The following CCDC178 variants were observed in gnomAD, a reference collection of about 807,000 sequenced individuals.
CCDC178 encodes coiled-coil domain-containing protein 178.
Under a neutral mutation model 117.4 loss-of-function variants are expected in CCDC178, and 126 were observed. The observed-to-expected ratio is 1.07, with a 90% CI of 0.93 to 1.24. CCDC178 has a LOEUF of 1.24. CCDC178 is among the 50% of genes most tolerant of loss of function. The probability of loss-of-function intolerance (pLI) is 0.00; values close to 1 mark genes in which losing one functional copy is unlikely to be tolerated. For synonymous variants in CCDC178, 283 were observed against 313.4 expected, an observed-to-expected ratio of 0.90 and a Z score of 1.02; for missense variants, 1,030 against 986.9, an observed-to-expected ratio of 1.04 and a Z score of -0.59.
intron 22 of CCDC178, among the ~76,000 whole-genome samples, chr18:32,966,516 T>A (rs1484453810): frequency 1.3e-5 from 2 of 151,936 alleles, no homozygotes; most frequent in Non-Finnish European, 2.9e-5. Flanking sequence ...ATTCTTGCAT[T>A]AATGTTGTGC....
At chr18:33,308,894 G>A (rs775392084) in intron 11 of CCDC178, among the ~76,000 whole-genome samples, 8 of 152,136 alleles carry the variant, frequency 5.3e-5, no homozygotes, top group Non-Finnish European at 8.8e-5. Context: ...CACAAGCCTT[G>A]CAGAACTGTG....
chr18:33,083,090 G>T (rs2057323128), intron 21 of CCDC178, among the ~76,000 whole-genome samples: 1 of 152,074 alleles, frequency 6.6e-6, no homozygotes, highest in African/African-American at 2.4e-5. Flanking sequence ...ACGTATCAAA[G>T]GCTGTTAGAA....
At chr18:33,074,805 G>A (rs1046591082) in intron 21 of CCDC178, among the ~76,000 whole-genome samples, 4 of 152,180 alleles carry the variant, frequency 2.6e-5, no homozygotes, top group African/African-American at 9.7e-5. Context: ...GAAGAGAATG[G>A]AAAGTGATGA....
chr18:33,052,811 T>C (rs1434362642), intron 21 of CCDC178, among the ~76,000 whole-genome samples: 1 of 152,176 alleles, frequency 6.6e-6, no homozygotes, highest in Non-Finnish European at 1.5e-5. Flanking sequence ...TTTTAACAAC[T>C]AGAACTACCT....
intron 21 of CCDC178, among the ~76,000 whole-genome samples, chr18:32,990,884 AT>A (rs1271935650): frequency 2.0e-5 from 3 of 151,256 alleles, no homozygotes; most frequent in East Asian, 1.9e-4. Context: ...TGAGCAAAAG[AT>A]TTTTTTTTCA....
chr18:33,048,103 G>A (rs1363888555), intron 21 of CCDC178, among the ~76,000 whole-genome samples: 1 of 152,160 alleles, frequency 6.6e-6, no homozygotes, highest in Non-Finnish European at 1.5e-5. Context: ...AGAGAAAGAA[G>A]ACAGCCAATT....
intron 11 of CCDC178, among the ~76,000 whole-genome samples, chr18:33,316,387 TCTCCCCGGGCCTTAGCTGC>T (rs1220749551): frequency 6.6e-6 from 1 of 152,152 alleles, no homozygotes; most frequent in Non-Finnish European, 1.5e-5. Context: ...GCGCTCGATT[TCTCCCCGGGCCTTAGCTGC>T]CTCCCCGTGA....
At chr18:33,322,524 A>T (rs567811755) in intron 11 of CCDC178, among the ~76,000 whole-genome samples, 1 of 151,868 alleles carries the variant, frequency 6.6e-6, no homozygotes, top group South Asian at 2.1e-4. Context: ...AACTATATAA[A>T]TTTTTCTCAC....
intron 20 of CCDC178, among the ~76,000 whole-genome samples, chr18:33,139,232 C>T (rs2058167140): frequency 6.6e-6 from 1 of 152,138 alleles, no homozygotes; most frequent in Non-Finnish European, 1.5e-5. Context: ...TTTTGCTTCC[C>T]AGTCTCTAGT....
At chr18:33,228,313 G>C (rs1462668631) in intron 15 of CCDC178, among the ~76,000 whole-genome samples, 1 of 152,066 alleles carries the variant, frequency 6.6e-6, no homozygotes, top group Non-Finnish European at 1.5e-5. Flanking sequence ...TTCATTCTTT[G>C]AAGTTTTTTT....
intron 15 of CCDC178, among the ~76,000 whole-genome samples, chr18:33,232,676 C>A (rs1162946175): frequency 1.3e-5 from 2 of 152,082 alleles, no homozygotes; most frequent in Non-Finnish European, 2.9e-5. Flanking sequence ...TGTTATCTTT[C>A]TTTTTGTACG....
intron 21 of CCDC178, among the ~76,000 whole-genome samples, chr18:32,988,538 A>G (rs2055318513): frequency 6.6e-6 from 1 of 152,188 alleles, no homozygotes; most frequent in Non-Finnish European, 1.5e-5. Context: ...AAGGGGGTTT[A>G]TAGTCTTTTA....
At chr18:33,061,280 T>G (rs1183535283) in intron 21 of CCDC178, among the ~76,000 whole-genome samples, 1 of 152,056 alleles carries the variant, frequency 6.6e-6, no homozygotes, top group Non-Finnish European at 1.5e-5. Context: ...AATGTATCAG[T>G]TTAATAATTG....
At chr18:33,425,787 G>A (rs2064114705) in intron 2 of CCDC178, among the ~76,000 whole-genome samples, 1 of 152,164 alleles carries the variant, frequency 6.6e-6, no homozygotes, top group Non-Finnish European at 1.5e-5. Flanking sequence ...GCCGAGGAGA[G>A]AAGAGAGGAG....
chr18:33,276,845 A>G (rs1479008741), intron 12 of CCDC178, among the ~76,000 whole-genome samples: 2 of 152,148 alleles, frequency 1.3e-5, no homozygotes, highest in African/African-American at 4.8e-5. Flanking sequence ...ATTATAGATA[A>G]TGAGAGAAAT....
At chr18:33,109,019 A>ATTTTTGAGC (rs1298642978) in intron 20 of CCDC178, among the ~76,000 whole-genome samples, 45 of 151,700 alleles carry the variant, frequency 3.0e-4, no homozygotes, top group African/African-American at 1.1e-3. Context: ...TTGGTGTGTA[A>ATTTTTGAGC]TGGCACAGTC....
intron 19 of CCDC178, 46 bp from the exon 20 acceptor site, chr18:33,212,101 T>C (rs1461598002): frequency 7.2e-7 from 1 of 1,398,448 alleles, no homozygotes; most frequent in East Asian, 2.5e-5. Flanking sequence ...TCACATTTTA[T>C]TTTTCAAAAT....
In CCDC178 at chr18:33,179,078, AATAT is replaced by A. The variant is rs1555656270; in HGVS notation, c.2238+32814_2238+32817del. Among the ~76,000 whole-genome samples, 150 of 55,792 alleles carry A rather than the reference AATAT, an allele frequency of 2.7e-3. 3 individuals carry two copies. The highest frequency in any genetic ancestry group is 0.012 in the Middle Eastern group (1 of 84). The allele number at this position is 55,792 out of a possible 152,430, so 36.6% of individuals were successfully genotyped here. A position where few individuals can be genotyped will look rare whatever the true frequency, so the allele number is the denominator to read the frequency against. The stretch of plus-strand genomic sequence containing the variant: ...ACTCAGTAAAAAAAAAAAAAAAAAA[AATAT>A]ATATATATATATATATATATATATA... On this transcript the variant is annotated intron_variant, in intron 20 of 22. Transcript: ENST00000383096.
chr18:32,987,074 C>T (rs2055279189), intron 21 of CCDC178, among the ~76,000 whole-genome samples: 1 of 150,460 alleles, frequency 6.6e-6, no homozygotes. Flanking sequence ...ACTAAAAAGG[C>T]AGGTAGAGAG....
Sources: allele counts gnomAD v4.1 joint callset (sites outside exome capture counted in the v4.1 genomes callset), GRCh38; gene constraint gnomAD v4.1.1; transcripts MANE v1.5; gene names NCBI Gene and HGNC (gene_info 2026-07-23, HGNC 2026-07-21).